The following ZNF609 variants were observed in gnomAD, a reference collection of about 807,000 sequenced individuals.
The protein encoded by ZNF609 is zinc finger protein 609.
A neutral mutation model predicts 109.5 loss-of-function variants in ZNF609; 11 were observed. That is an observed-to-expected ratio of 0.10 (90% CI 0.06 to 0.17). The LOEUF (loss-of-function observed/expected upper bound fraction) is 0.17, where lower values mean the gene tolerates loss of function less well. Ranked by LOEUF, ZNF609 falls within the 10% of genes least tolerant of loss-of-function variation. The probability of loss-of-function intolerance (pLI) is 1.00; values close to 1 mark genes in which losing one functional copy is unlikely to be tolerated. For missense variants in ZNF609, 1,559 were observed against 1,772.4 expected (o/e 0.88, Z 2.16); for synonymous variants, 646 against 662.0 (o/e 0.98, Z 0.37).
intron 2 of ZNF609, among the ~76,000 whole-genome samples, chr15:64,532,924 C>A (rs1432117158): frequency 6.6e-6 from 1 of 152,178 alleles, no homozygotes; most frequent in East Asian, 1.9e-4. Context: ...CTCATGTCCT[C>A]CACTATTCCT....
At chr15:64,462,106 C>T (rs1214262841) in intron 1 of ZNF609, among the ~76,000 whole-genome samples, 2 of 152,220 alleles carry the variant, frequency 1.3e-5, no homozygotes, top group South Asian at 2.1e-4. Flanking sequence ...TGCTCCATCT[C>T]CCAGGCTCCT....
chr15:64,594,579 C>G (rs1301803958), intron 2 of ZNF609, among the ~76,000 whole-genome samples: 1 of 151,848 alleles, frequency 6.6e-6, no homozygotes, highest in Non-Finnish European at 1.5e-5. Flanking sequence ...CTCAAGCAGT[C>G]TGCCTGCCTC....
chr15:64,677,288 C>A (rs185252603), intron 5 of ZNF609, among the ~76,000 whole-genome samples: 1 of 152,160 alleles, frequency 6.6e-6, no homozygotes, highest in Non-Finnish European at 1.5e-5. Context: ...GTCTTGAACT[C>A]CTGGCCTCAA....
intron 2 of ZNF609, chr15:64,502,651 C>T (rs1346707419): frequency 6.6e-6 from 1 of 152,190 alleles, no homozygotes; most frequent in Non-Finnish European, 1.5e-5. Flanking sequence ...CTAAGAATTG[C>T]ATCCTCTCAA....
At chr15:64,462,403 A>G (rs1172120896) in intron 1 of ZNF609, among the ~76,000 whole-genome samples, 1 of 152,206 alleles carries the variant, frequency 6.6e-6, no homozygotes, top group East Asian at 1.9e-4. Flanking sequence ...TAATTCTTTT[A>G]TATGAATGGA....
intron 2 of ZNF609, among the ~76,000 whole-genome samples, chr15:64,581,228 C>T (rs1045553314): frequency 1.3e-5 from 2 of 151,924 alleles, no homozygotes; most frequent in African/African-American, 2.4e-5. Flanking sequence ...CAAGGTCAAC[C>T]GGAGGTGAGA....
rs75390492 is a variant in ZNF609, at chr15:64,561,028, C to G, written c.747+60862C>G. Among the ~76,000 whole-genome samples the G allele has an allele frequency of 7.9e-3, 1,199 of 152,258 alleles. 22 individuals carry two copies. Among genetic ancestry groups the G allele is most frequent in the African/African-American group, 0.028 (1,151 of 41,552 alleles). The stretch of plus-strand genomic sequence containing the variant: ...ATTTCTACGTATCTGACTGCAACTG[C>G]CTACTTAAACTGATCTTACCATTAT... On this transcript the variant is annotated intron_variant, in intron 2 of 9. Coordinates refer to ENST00000326648, the MANE Select transcript of ZNF609 (RefSeq NM_015042.2).
intron 1 of ZNF609, among the ~76,000 whole-genome samples, chr15:64,488,730 T>G (rs1893366589): frequency 6.6e-6 from 1 of 152,128 alleles, no homozygotes; most frequent in Non-Finnish European, 1.5e-5. Flanking sequence ...CAATTCCTTG[T>G]CTGTTCTGAA....
rs142552491 is a variant in ZNF609 at position 64,610,770 on chromosome 15, G to A, written c.748-12057G>A. On this transcript the variant is annotated intron_variant, in intron 2 of 9. Coordinates refer to ENST00000326648, the MANE Select transcript of ZNF609 (RefSeq NM_015042.2). Reference sequence around the variant, plus strand: ...CACAGCAGAGCAAAATGTGATTTGTGATGTCTCAATTTAGAATTCTCATGT... The same window carrying A: ...CACAGCAGAGCAAAATGTGATTTGTAATGTCTCAATTTAGAATTCTCATGT... Among the ~76,000 whole-genome samples the A allele has an allele frequency of 3.7e-3, 567 of 152,262 alleles. 9 individuals carry two copies. The highest frequency in any genetic ancestry group is 0.013 in the African/African-American group (538 of 41,532).
rs188511352 is a variant in ZNF609, at chr15:64,610,209, A to G, written c.748-12618A>G. ...AATTAAAAATTGAGCAAACCAACGCAGAAACAGAAAACCAAATACCACTTG... is the reference window on the plus strand; with the variant it reads ...AATTAAAAATTGAGCAAACCAACGCGGAAACAGAAAACCAAATACCACTTG... On this transcript the variant is annotated intron_variant, in intron 2 of 9. Coordinates refer to ENST00000326648, the MANE Select transcript of ZNF609 (RefSeq NM_015042.2). 2.5e-3 allele frequency among the ~76,000 whole-genome samples: 386 copies of G among 152,226 alleles called. 2 individuals carry two copies. Among genetic ancestry groups the G allele is most frequent in the Admixed American group, 5.6e-3 (85 of 15,270 alleles).
At chr15:64,661,900 TA>T (rs1328787845) in intron 3 of ZNF609, among the ~76,000 whole-genome samples, 2 of 152,226 alleles carry the variant, frequency 1.3e-5, no homozygotes, top group African/African-American at 4.8e-5. Context: ...TATTCCAGGT[TA>T]TCTGTTATGT....
chr15:64,619,061 G>A (rs181411297), intron 2 of ZNF609, among the ~76,000 whole-genome samples: 173 of 152,214 alleles, frequency 1.1e-3, no homozygotes, highest in African/African-American at 4.1e-3. Flanking sequence ...AAGGGACCAC[G>A]TTCTCTACCC....
chr15:64,588,442 A>AAAAAAAAAAAAAAG (rs71133451), intron 2 of ZNF609, among the ~76,000 whole-genome samples: 4,540 of 74,784 alleles, frequency 0.061, 1,003 homozygotes, highest in African/African-American at 0.11. Flanking sequence ...AAAAAAAAAA[A>AAAAAAAAAAAAAAG]AAGAAGAGGA....
chr15:64,607,763 C>G (rs185992823), intron 2 of ZNF609, among the ~76,000 whole-genome samples: 223 of 151,814 alleles, frequency 1.5e-3, no homozygotes, highest in African/African-American at 5.2e-3. Flanking sequence ...CCTTGGCCCC[C>G]CAAAGTGCTG....
intron 2 of ZNF609, among the ~76,000 whole-genome samples, chr15:64,574,796 G>T (rs1894921630): frequency 6.6e-6 from 1 of 152,132 alleles, no homozygotes; most frequent in Non-Finnish European, 1.5e-5. Context: ...AAATGTGTCT[G>T]CAGCCTCTGT....
intron 2 of ZNF609, among the ~76,000 whole-genome samples, chr15:64,576,991 CACATAA>C (rs1567019039): frequency 1.2e-4 from 15 of 129,926 alleles, no homozygotes; most frequent in African/African-American, 4.0e-4. Flanking sequence ...TGTATGTATA[CACATAA>C]ATATATATAT....
chr15:64,526,605 A>G (rs1039174535), intron 2 of ZNF609, among the ~76,000 whole-genome samples: 15 of 151,986 alleles, frequency 9.9e-5, no homozygotes, highest in South Asian at 4.2e-4. Context: ...GATGACTTCT[A>G]TGAATATGGG....
intron 2 of ZNF609, among the ~76,000 whole-genome samples, chr15:64,546,789 CTTTTTT>C (rs1206513622): frequency 8.2e-6 from 1 of 122,548 alleles, no homozygotes; most frequent in African/African-American, 3.4e-5. Context: ...TTTCATGTTT[CTTTTTT>C]TTTTTTTTTT....
intron 8 of ZNF609, among the ~76,000 whole-genome samples, 174 bp from the exon 9 acceptor site, chr15:64,681,135 C>G (rs908764852): frequency 6.6e-6 from 1 of 152,042 alleles, no homozygotes. Context: ...CAGGTGTTCC[C>G]CAAAGGCAAA....
Sources: allele counts gnomAD v4.1 joint callset (sites outside exome capture counted in the v4.1 genomes callset), GRCh38; gene constraint gnomAD v4.1.1; transcripts MANE v1.5; gene names NCBI Gene and HGNC (gene_info 2026-07-23, HGNC 2026-07-21).